Variants in EPHA5 observed in about 807,000 individuals in gnomAD.
The protein encoded by EPHA5 is EPH receptor A5.
EPHA5 carries 60 observed loss-of-function variants against 105.0 expected under a neutral mutation model. That is an observed-to-expected ratio of 0.57 (90% CI 0.46 to 0.71). The LOEUF is 0.71. Among genes scored for constraint, EPHA5 ranks in the 30% least tolerant of loss-of-function variants. EPHA5 has a pLI of 0.00. For synonymous variants in EPHA5, 513 were observed against 449.1 expected (o/e 1.14, Z -1.80); for missense variants, 1,218 against 1,274.7 (o/e 0.96, Z 0.68).
rs1467235531 is a variant in EPHA5, at chr4:65,427,145, T to C, written c.1403-6580A>G. Reference sequence around the variant, plus strand: ...ATTTATATATAGAGAGACAATTATATGTATAAGTATGTTTAGTAATTATAA... The same window carrying C: ...ATTTATATATAGAGAGACAATTATACGTATAAGTATGTTTAGTAATTATAA... On this transcript the variant is annotated intron_variant, in intron 5 of 16. Transcript: ENST00000613740. 2.0e-5 allele frequency among the ~76,000 whole-genome samples: 3 copies of C among 151,564 alleles called. No homozygotes were observed. In the East Asian group the frequency reaches 5.8e-4, roughly 29 times the overall value.
intron 3 of EPHA5, among the ~76,000 whole-genome samples, chr4:65,594,109 A>G (rs1189464967): frequency 6.6e-6 from 1 of 152,180 alleles, no homozygotes; most frequent in South Asian, 2.1e-4. Flanking sequence ...ACAATAAAAC[A>G]AAAGGACTAT....
At chr4:65,565,331 C>T (rs59048582) in intron 3 of EPHA5, among the ~76,000 whole-genome samples, 31,215 of 151,398 alleles carry the variant, frequency 0.21, 3,334 homozygotes, top group Non-Finnish European at 0.22. Context: ...ATATTCAATC[C>T]AATTTCATTT....
intron 14 of EPHA5, among the ~76,000 whole-genome samples, chr4:65,342,371 G>A (rs1011352311): frequency 3.9e-5 from 6 of 151,992 alleles, no homozygotes; most frequent in Non-Finnish European, 5.9e-5. Flanking sequence ...TAGCAATGAG[G>A]CTAAGGAGTC....
At chr4:65,452,690 T>C (rs868659023) in intron 5 of EPHA5, among the ~76,000 whole-genome samples, 1 of 152,112 alleles carries the variant, frequency 6.6e-6, no homozygotes, top group East Asian at 1.9e-4. Context: ...TTTCCTTGAA[T>C]GCAAGCAAAT....
At chr4:65,455,651 A>C in intron 5 of EPHA5, among the ~76,000 whole-genome samples, 1 of 152,200 alleles carries the variant, frequency 6.6e-6, no homozygotes, top group East Asian at 1.9e-4. Context: ...TTAACTTATT[A>C]GAAAATAATT....
chr4:65,497,459 A>G (rs984265185), intron 3 of EPHA5, among the ~76,000 whole-genome samples: 14 of 152,132 alleles, frequency 9.2e-5, no homozygotes, highest in Non-Finnish European at 2.1e-4. Flanking sequence ...TATTAGGGAC[A>G]TTCTTGTAGT....
At chr4:65,367,525 A>G (rs1309686880) in intron 8 of EPHA5, 101 bp from the exon 9 acceptor site, 2 of 1,043,266 alleles carry the variant, frequency 1.9e-6, no homozygotes, top group African/African-American at 1.6e-5. Flanking sequence ...GCAACCCTAA[A>G]CTGATTTTCA....
At chr4:65,437,618 A>G (rs1459121422) in intron 5 of EPHA5, among the ~76,000 whole-genome samples, 1 of 152,002 alleles carries the variant, frequency 6.6e-6, no homozygotes, top group African/African-American at 2.4e-5. Flanking sequence ...TGACCAGAAA[A>G]TCATTCATAG....
intron 8 of EPHA5, among the ~76,000 whole-genome samples, chr4:65,368,201 C>G (rs1260063717): frequency 1.3e-5 from 2 of 151,974 alleles, no homozygotes; most frequent in Non-Finnish European, 2.9e-5. Context: ...TTCATAGGTC[C>G]TCCACGTGAA....
rs895493328 is a variant in EPHA5 at position 65,519,656 on chromosome 4, G to A, written c.911-24113C>T. On this transcript the variant is annotated intron_variant, in intron 3 of 16. Transcript: ENST00000613740. The stretch of plus-strand genomic sequence containing the variant: ...TCGTCTCAGCCCAAAATCTCCTTAA[G>A]CTGATAAGCAACTTCAGCAAAGTCT... Among the ~76,000 whole-genome samples, 3 of 152,088 alleles carry A rather than the reference G, an allele frequency of 2.0e-5. 1 individual carries two copies. The highest frequency in any genetic ancestry group is 7.2e-5 in the African/African-American group (3 of 41,408).
intron 3 of EPHA5, among the ~76,000 whole-genome samples, chr4:65,546,636 CA>C (rs1412887449): frequency 6.6e-6 from 1 of 151,798 alleles, no homozygotes; most frequent in African/African-American, 2.4e-5. Context: ...TAATTTTGCT[CA>C]AAGTTAGCAA....
intron 1 of EPHA5, among the ~76,000 whole-genome samples, chr4:65,650,567 A>AAAAC: frequency 6.6e-6 from 1 of 150,996 alleles, no homozygotes; most frequent in Non-Finnish European, 1.5e-5. Context: ...CTCAAAAAAA[A>AAAAC]AAAAAGAGCT....
At position 65,612,549 on chromosome 4, in the gene EPHA5, C is replaced by T. The variant is rs560828330; in HGVS notation, c.247-10245G>A. ...AATATTTCACTGAATACATATGCCA[C>T]ATTTTCTTTATCCAATCATCCTTTG... On this transcript the variant is annotated intron_variant, in intron 2 of 16. Coordinates refer to ENST00000613740, the MANE Select transcript of EPHA5 (RefSeq NM_001281766.3). 1.3e-4 allele frequency among the ~76,000 whole-genome samples: 20 copies of T among 152,298 alleles called. 1 individual carries two copies. The South Asian group carries it at 4.1e-3, about 32-fold the overall frequency.
chr4:65,470,571 C>G (rs1484137992), intron 5 of EPHA5, among the ~76,000 whole-genome samples: 3 of 152,110 alleles, frequency 2.0e-5, no homozygotes, highest in Non-Finnish European at 4.4e-5. Flanking sequence ...AATACCATCT[C>G]TCTCTATTAA....
At chr4:65,330,813 T>A (rs967184674) in intron 16 of EPHA5, 78 of 1,029,704 alleles carry the variant, frequency 7.6e-5, no homozygotes, top group Non-Finnish European at 9.0e-5. Context: ...ATATGTGTTA[T>A]CAAGTAGATA....
intron 2 of EPHA5, among the ~76,000 whole-genome samples, chr4:65,617,866 C>A (rs1745377934): frequency 6.6e-6 from 1 of 152,068 alleles, no homozygotes; most frequent in Admixed American, 6.5e-5. Context: ...TGACAGTTGG[C>A]AAGCCCATAG....
At chr4:65,392,179 C>G (rs2148958256) in intron 8 of EPHA5, among the ~76,000 whole-genome samples, 1 of 152,178 alleles carries the variant, frequency 6.6e-6, no homozygotes. Context: ...ATGATGTGCT[C>G]TCTAATTATT....
chr4:65,657,207 A>C (rs1233859723), intron 1 of EPHA5, among the ~76,000 whole-genome samples: 1 of 152,174 alleles, frequency 6.6e-6, no homozygotes, highest in Non-Finnish European at 1.5e-5. Flanking sequence ...AGAAATCTAT[A>C]ACAAATGAAA....
At chr4:65,444,605 A>G (rs1349605988) in intron 5 of EPHA5, among the ~76,000 whole-genome samples, 1 of 152,156 alleles carries the variant, frequency 6.6e-6, no homozygotes, top group African/African-American at 2.4e-5. Context: ...CAGCCAGTGT[A>G]CTTTTATTGC....
Sources: gnomAD v4.1 joint callset for allele counts (sites outside exome capture counted in the v4.1 genomes callset) on GRCh38, gnomAD v4.1.1 for gene constraint, MANE v1.5 for transcripts, NCBI Gene and HGNC (gene_info 2026-07-23, HGNC 2026-07-21) for gene names.